NNT: variants seen among roughly 807,000 people sequenced by gnomAD.
NNT encodes the protein NAD(P) transhydrogenase, mitochondrial.
A neutral mutation model predicts 104.8 loss-of-function variants in NNT; 50 were observed. The observed-to-expected ratio is 0.48, with a 90% CI of 0.38 to 0.60. NNT has a LOEUF of 0.60. Among genes scored for constraint, NNT ranks in the 20% least tolerant of loss-of-function variants. The pLI is 0.00. For missense variants in NNT, 1,131 were observed against 1,330.7 expected (o/e 0.85, Z 2.33); for synonymous variants, 461 against 490.4 (o/e 0.94, Z 0.79).
chr5:43,704,557 G>A lies in NNT; in HGVS notation c.*153G>A. The A allele has an allele frequency of 1.6e-6, 1 of 644,776 alleles. No homozygotes were observed. Among genetic ancestry groups the A allele is most frequent in the Non-Finnish European group, 2.4e-6 (1 of 414,902 alleles). The allele number at this position is 644,776 out of a possible 1,614,324, so 39.9% of individuals were successfully genotyped here. A position where few individuals can be genotyped will look rare whatever the true frequency, so the allele number is the denominator to read the frequency against. The stretch of plus-strand genomic sequence containing the variant: ...AAGCAAAGCAAAAACTGTATAGAGA[G>A]ATTTTTCAAAAGCAGTAATCCCTCA... On this transcript the variant is annotated 3_prime_UTR_variant, in exon 22 of 22. Coordinates refer to ENST00000344920, the MANE Select transcript of NNT (RefSeq NM_182977.3).
At position 43,619,136 on chromosome 5, in the gene NNT, A is replaced by G; in HGVS notation, c.687+17A>G. The G allele has an allele frequency of 6.9e-7, 1 of 1,439,708 alleles. No homozygotes were observed. Among genetic ancestry groups the G allele is most frequent in the Non-Finnish European group, 9.4e-7 (1 of 1,062,140 alleles). The allele number at this position is 1,439,708 out of a possible 1,614,324, so 89.2% of individuals were successfully genotyped here. A position where few individuals can be genotyped will look rare whatever the true frequency, so the allele number is the denominator to read the frequency against. On this transcript the variant is annotated intron_variant, in intron 5 of 21. Transcript: ENST00000344920. ...CCAGCTAAGGTAGGTACAACTTTTA[A>G]TGTTTCTTTATAATATGCATTGATT...
rs370818413 is a variant in NNT at position 43,651,994 on chromosome 5, A to G, written c.1863+110A>G. On this transcript the variant is annotated intron_variant, in intron 13 of 21. Transcript: ENST00000344920. ...AGTATCGAGCAAATACAACTCTGTC[A>G]AGCAAATACAACAATAACCCTAGAA... The G allele has an allele frequency of 3.5e-6, 4 of 1,145,768 alleles. No homozygotes were observed. In the East Asian group the frequency reaches 9.7e-5, roughly 28 times the overall value. The allele number at this position is 1,145,768 out of a possible 1,614,324, so 71.0% of individuals were successfully genotyped here.
chr5:43,665,976 G>A (rs1481951642), intron 17 of NNT, among the ~76,000 whole-genome samples: 8 of 151,924 alleles, frequency 5.3e-5, no homozygotes, highest in African/African-American at 7.2e-5. Context: ...CGGCAGAGGC[G>A]CTCTTCACAT....
At chr5:43,692,472 C>T (rs1412801396) in intron 19 of NNT, among the ~76,000 whole-genome samples, 1 of 152,012 alleles carries the variant, frequency 6.6e-6, no homozygotes, top group Non-Finnish European at 1.5e-5. Flanking sequence ...TACAGGCACC[C>T]ACCACCATGC....
At chr5:43,698,822 A>G (rs1742696935) in intron 19 of NNT, among the ~76,000 whole-genome samples, 1 of 151,382 alleles carries the variant, frequency 6.6e-6, no homozygotes, top group African/African-American at 2.4e-5. Context: ...ATGCATACAT[A>G]CACATATATA....
intron 19 of NNT, among the ~76,000 whole-genome samples, chr5:43,694,641 T>C (rs1742460635): frequency 6.6e-6 from 1 of 152,146 alleles, no homozygotes; most frequent in Non-Finnish European, 1.5e-5. Context: ...TACTTGATTG[T>C]GGTGTATTAG....
Position 43,607,189 on chromosome 5 carries a change from G to A in NNT, c.-53-1954G>A, listed in dbSNP as rs911253189. Among the ~76,000 whole-genome samples the A allele has an allele frequency of 2.0e-5, 3 of 152,178 alleles. No homozygotes were observed. In the East Asian group the frequency reaches 5.8e-4, roughly 29 times the overall value. ...TGTCAGGACTCTGAGCCCAAGCTAA[G>A]CCATCATAACCCCTGTGATCTGCAC... On this transcript the variant is annotated intron_variant, in intron 1 of 21. Coordinates refer to ENST00000344920, the MANE Select transcript of NNT (RefSeq NM_182977.3).
chr5:43,646,517 T>C (rs1403922077), intron 10 of NNT, among the ~76,000 whole-genome samples: 1 of 151,866 alleles, frequency 6.6e-6, no homozygotes, highest in Non-Finnish European at 1.5e-5. Flanking sequence ...CAGGCTGGTC[T>C]TGAACTCCTG....
chr5:43,701,002 G>GT (rs1349194845), intron 20 of NNT, among the ~76,000 whole-genome samples: 2 of 152,212 alleles, frequency 1.3e-5, no homozygotes, highest in Non-Finnish European at 2.9e-5. Flanking sequence ...AGATTCCACT[G>GT]TTGTTAAATT....
intron 5 of NNT, among the ~76,000 whole-genome samples, chr5:43,619,829 A>G (rs1749977720): frequency 6.6e-6 from 1 of 152,228 alleles, no homozygotes; most frequent in African/African-American, 2.4e-5. Flanking sequence ...CTGGAATTCA[A>G]GATTTGGCAG....
In NNT at chr5:43,643,818, G is replaced by A. The variant is rs563845689; in HGVS notation, c.965-374G>A. Among the ~76,000 whole-genome samples the A allele has an allele frequency of 3.3e-5, 5 of 152,296 alleles. No individual in the cohort carries two copies. The East Asian group carries it at 5.8e-4, about 18-fold the overall frequency. Reference sequence around the variant, plus strand: ...GACCTTTACGAATTGTTCAATTTGGGTGCATATAGTTTCCATAGTGGTTTA... The same window carrying A: ...GACCTTTACGAATTGTTCAATTTGGATGCATATAGTTTCCATAGTGGTTTA... On this transcript the variant is annotated intron_variant, in intron 7 of 21. Coordinates refer to ENST00000344920, the MANE Select transcript of NNT (RefSeq NM_182977.3).
Position 43,615,835 on chromosome 5 carries a change from AT to A in NNT, c.382-7del, listed in dbSNP as rs562530333. The A allele has an allele frequency of 1.4e-4, 223 of 1,577,632 alleles. 1 individual carries two copies. In the East Asian group the frequency reaches 4.4e-3, roughly 31 times the overall value. ...ATTTATATTTATAATCTGTGACTTG[AT>A]TTTTTCCCCAGGTGCGAGCCCCTAT... On this transcript the variant is annotated splice_polypyrimidine_tract_variant and intron_variant, in intron 3 of 21. Transcript: ENST00000344920.
At position 43,628,303 on chromosome 5, in the gene NNT, A is replaced by G. The variant is rs1039296668; in HGVS notation, c.880A>G (p.Lys294Glu). ...AGGAGGATATGCAAAAGAGATGTCC[A>G]AAGAGTTCATTGAAGCTGAAATGAA... is the stretch of plus-strand genomic sequence containing the variant. ...GQGGYAKEMS[K>E]EFIEAEMKLF... The change falls in exon 7 of 22, where the codon AAA (lysine) becomes GAA (glutamate). Residue 294 changes from lysine to glutamate, a missense_variant. Coordinates refer to ENST00000344920, the MANE Select transcript of NNT (RefSeq NM_182977.3). 1 of 1,613,968 alleles carries G rather than the reference A, an allele frequency of 6.2e-7. No individual in the cohort carries two copies. Among genetic ancestry groups the G allele is most frequent in the African/African-American group, 1.3e-5 (1 of 74,908 alleles).
intron 19 of NNT, among the ~76,000 whole-genome samples, chr5:43,687,816 T>C (rs1222992562): frequency 6.6e-6 from 1 of 152,140 alleles, no homozygotes; most frequent in Non-Finnish European, 1.5e-5. Flanking sequence ...AATCAAGGCA[T>C]CAAAATGAGA....
chr5:43,618,446 C>T lies in NNT; in HGVS notation c.600-586C>T, dbSNP rs143944511. Among the ~76,000 whole-genome samples, 605 of 152,162 alleles carry T rather than the reference C, an allele frequency of 4.0e-3. 4 individuals carry two copies. Among genetic ancestry groups the T allele is most frequent in the African/African-American group, 0.014 (570 of 41,524 alleles). ...CAAGGGAAGTGTTTCTTCTGTTCTC[C>T]GAGGTTGAAATCTTATTTTGTACAA... On this transcript the variant is annotated intron_variant, in intron 4 of 21. Transcript: ENST00000344920.
chr5:43,664,785 T>C (rs1362423741), intron 17 of NNT, among the ~76,000 whole-genome samples: 1 of 152,202 alleles, frequency 6.6e-6, no homozygotes, highest in East Asian at 1.9e-4. Context: ...CCATAAATGC[T>C]AAACATTTGT....
chr5:43,638,543 T>G (rs1010425443), intron 7 of NNT, among the ~76,000 whole-genome samples: 1 of 152,178 alleles, frequency 6.6e-6, no homozygotes, highest in African/African-American at 2.4e-5. Context: ...TGTCCTTGTC[T>G]GCCTAGTACT....
At chr5:43,627,182 T>G (rs898087836) in intron 6 of NNT, among the ~76,000 whole-genome samples, 2 of 152,180 alleles carry the variant, frequency 1.3e-5, no homozygotes, top group Non-Finnish European at 2.9e-5. Flanking sequence ...GGTTGCAACT[T>G]TACCTCCAGG....
chr5:43,646,086 G>T (rs1431652589), intron 10 of NNT, among the ~76,000 whole-genome samples: 5 of 151,946 alleles, frequency 3.3e-5, no homozygotes, highest in Non-Finnish European at 7.4e-5. Flanking sequence ...TTAGTAATCG[G>T]GCCTGACAGA....
Sources: allele counts gnomAD v4.1 joint callset (sites outside exome capture counted in the v4.1 genomes callset), GRCh38; gene constraint gnomAD v4.1.1; transcripts MANE v1.5; gene names NCBI Gene and HGNC (gene_info 2026-07-23, HGNC 2026-07-21).